ARSB: variants seen among roughly 807,000 people sequenced by gnomAD.
ARSB encodes the protein arylsulfatase B, also known as N-acetylgalactosamine-4-sulfatase.
In ARSB, 41 loss-of-function variants were observed where a neutral mutation model predicts 50.9. That is an observed-to-expected ratio of 0.81 (90% CI 0.63 to 1.04). ARSB has a LOEUF of 1.04. Ranked by LOEUF, ARSB falls within the 50% of genes least tolerant of loss-of-function variation. The pLI is 0.00. For synonymous variants in ARSB, 269 were observed against 284.8 expected, an observed-to-expected ratio of 0.94 and a Z score of 0.56; for missense variants, 672 against 693.3, an observed-to-expected ratio of 0.97 and a Z score of 0.35.
At chr5:78,788,553 A>G (rs1749156417) in intron 6 of ARSB, among the ~76,000 whole-genome samples, 1 of 152,172 alleles carries the variant, frequency 6.6e-6, no homozygotes, top group Non-Finnish European at 1.5e-5. Context: ...AGAATCTATA[A>G]TATCTGCTAA....
At chr5:78,841,269 G>C (rs1459120257) in intron 5 of ARSB, among the ~76,000 whole-genome samples, 1 of 152,026 alleles carries the variant, frequency 6.6e-6, no homozygotes, top group Non-Finnish European at 1.5e-5. Context: ...GTTCAAGGCT[G>C]TAGTGAGCTA....
chr5:78,855,455 G>A (rs3098682), intron 5 of ARSB, among the ~76,000 whole-genome samples: 94,304 of 151,984 alleles, frequency 0.62, 29,637 homozygotes, highest in Middle Eastern at 0.67. Flanking sequence ...CCCCACAGGG[G>A]AGCACAAAAC....
intron 1 of ARSB, among the ~76,000 whole-genome samples, chr5:78,976,399 G>A (rs939224482): frequency 2.4e-4 from 33 of 139,692 alleles, no homozygotes; most frequent in South Asian, 5.0e-4. Flanking sequence ...GCGATTTCCC[G>A]CCATCTACCC....
At chr5:78,842,308 C>T (rs1022434343) in intron 5 of ARSB, among the ~76,000 whole-genome samples, 4 of 152,190 alleles carry the variant, frequency 2.6e-5, no homozygotes, top group Non-Finnish European at 4.4e-5. Flanking sequence ...AAAGCTAACT[C>T]TGCAAGCCTC....
upstream of ARSB, chr5:78,985,402 G>C (rs1753144325): frequency 1.5e-6 from 1 of 685,366 alleles, no homozygotes; most frequent in Non-Finnish European, 2.0e-6. Flanking sequence ...CTCGGCCCCC[G>C]CCGCCTCCGA....
chr5:78,924,438 A>G (rs980977960), intron 4 of ARSB, among the ~76,000 whole-genome samples: 3 of 152,218 alleles, frequency 2.0e-5, no homozygotes, highest in Non-Finnish European at 4.4e-5. Flanking sequence ...CTTGGCCGTG[A>G]TAAGTCAGAC....
rs1331958993 is a variant in ARSB, at chr5:78,813,254, G to C, written c.1213+26102C>G. Among the ~76,000 whole-genome samples the C allele has an allele frequency of 2.6e-5, 4 of 152,060 alleles. No homozygotes were observed. In the East Asian group the frequency reaches 7.8e-4, roughly 30 times the overall value. ...AATTTTTGTATTTTTAGTAGAGATG[G>C]GGTTTCTCCATGTTGGCCAGGCTAG... is the stretch of plus-strand genomic sequence containing the variant. On this transcript the variant is annotated intron_variant, in intron 6 of 7. Transcript: ENST00000264914.
intron 5 of ARSB, among the ~76,000 whole-genome samples, chr5:78,840,918 A>C (rs1745170633): frequency 6.6e-6 from 1 of 152,182 alleles, no homozygotes; most frequent in Non-Finnish European, 1.5e-5. Context: ...CTCTGAATGG[A>C]AGTAGAAATG....
intron 5 of ARSB, among the ~76,000 whole-genome samples, chr5:78,853,284 C>T (rs1026268969): frequency 6.6e-6 from 1 of 152,092 alleles, no homozygotes; most frequent in Non-Finnish European, 1.5e-5. Flanking sequence ...AGACAGGACC[C>T]TCAGCTGCAG....
At chr5:78,943,565 A>T (rs1051818667) in intron 4 of ARSB, among the ~76,000 whole-genome samples, 6 of 152,154 alleles carry the variant, frequency 3.9e-5, no homozygotes, top group African/African-American at 1.4e-4. Flanking sequence ...ATGAAAGTCT[A>T]GGTTGAAAAT....
intron 5 of ARSB, among the ~76,000 whole-genome samples, chr5:78,848,101 G>T (rs2112026369): frequency 6.7e-6 from 1 of 150,184 alleles, no homozygotes; most frequent in African/African-American, 2.4e-5. Context: ...AAGTTTTAGG[G>T]TACATGTGCA....
intron 6 of ARSB, among the ~76,000 whole-genome samples, chr5:78,792,704 G>T (rs1743012734): frequency 6.6e-6 from 1 of 152,176 alleles, no homozygotes. Flanking sequence ...TCTGGGTACA[G>T]GTCTCTTGAA....
intron 6 of ARSB, among the ~76,000 whole-genome samples, chr5:78,804,175 T>A (rs958496415): frequency 6.6e-6 from 1 of 151,672 alleles, no homozygotes. Context: ...TCTCAGGATT[T>A]GCAACTGCTC....
At chr5:78,801,330 T>C (rs545294127) in intron 6 of ARSB, among the ~76,000 whole-genome samples, 6 of 152,212 alleles carry the variant, frequency 3.9e-5, no homozygotes, top group East Asian at 1.9e-4. Flanking sequence ...AAGAAACCAA[T>C]TGAAGAGCCT....
intron 6 of ARSB, among the ~76,000 whole-genome samples, chr5:78,789,801 C>T (rs946449657): frequency 6.6e-6 from 1 of 152,162 alleles, no homozygotes; most frequent in African/African-American, 2.4e-5. Context: ...ATTTAATCCT[C>T]GTGAAAGTCC....
chr5:78,873,498 A>ATTTTT (rs71001133), intron 5 of ARSB, among the ~76,000 whole-genome samples: 4 of 93,210 alleles, frequency 4.3e-5, no homozygotes, highest in African/African-American at 7.7e-5. Flanking sequence ...TAAAACTGTA[A>ATTTTT]TTTTTTTTTT....
chr5:78,887,369 C>A (rs1328676082), intron 4 of ARSB, among the ~76,000 whole-genome samples: 1 of 152,134 alleles, frequency 6.6e-6, no homozygotes, highest in East Asian at 1.9e-4. Flanking sequence ...AGATTGAGAA[C>A]TCGATCCTGG....
intron 6 of ARSB, among the ~76,000 whole-genome samples, chr5:78,800,281 G>A (rs1743337142): frequency 6.7e-6 from 1 of 150,252 alleles, no homozygotes; most frequent in African/African-American, 2.5e-5. Context: ...TCACACCACT[G>A]CACTCCAGCC....
At chr5:78,985,476 C>T (rs1159807416), upstream of ARSB, 1 of 307,078 alleles carries the variant, frequency 3.3e-6, no homozygotes, top group Admixed American at 5.1e-5. Flanking sequence ...GCCCGCTGCC[C>T]GGCTTCTTGG....
Sources: gnomAD v4.1 joint callset for allele counts (sites outside exome capture counted in the v4.1 genomes callset) on GRCh38, gnomAD v4.1.1 for gene constraint, MANE v1.5 for transcripts, NCBI Gene and HGNC (gene_info 2026-07-23, HGNC 2026-07-21) for gene names.